MYH11: variants seen among roughly 807,000 people sequenced by gnomAD.
MYH11 encodes myosin-11.
A neutral mutation model predicts 246.6 loss-of-function variants in MYH11; 80 were observed. That is an observed-to-expected ratio of 0.32 (90% CI 0.27 to 0.39). The LOEUF (loss-of-function observed/expected upper bound fraction) is 0.39. MYH11 is among the 10% of genes least tolerant of loss of function. MYH11 has a pLI of 1.00. For missense variants in MYH11, 2,158 were observed against 2,546.8 expected, an observed-to-expected ratio of 0.85 and a Z score of 3.29; for synonymous variants, 1,071 against 1,015.5, an observed-to-expected ratio of 1.05 and a Z score of -1.04.
Position 15,823,328 on chromosome 16 carries a change from C to A in MYH11, c.429G>T (p.Lys143Asn), listed in dbSNP as rs200672270. The change falls in exon 3 of 41, where the codon AAG becomes AAT. Residue 143 changes from lysine to asparagine, a missense_variant. Lys to Asn is a moderately conservative substitution (Grantham distance 94, BLOSUM62 0). Transcript: ENST00000300036. The stretch of plus-strand genomic sequence containing the variant: ...GCGGCATCTCGTGCCTCTTCTTGCC[C>A]TTGTACATGTCGACGATCTTCTCCG... The part of the protein sequence containing the change: ...IYSEKIVDMY[K>N]GKKRHEMPPH... 6 of 1,614,192 alleles carry A rather than the reference C, an allele frequency of 3.7e-6. No individual in the cohort carries two copies. The highest frequency in any genetic ancestry group is 5.1e-6 in the Non-Finnish European group (6 of 1,180,036).
chr16:15,728,670 C>T (rs955068499), intron 27 of MYH11, among the ~76,000 whole-genome samples: 1 of 152,100 alleles, frequency 6.6e-6, no homozygotes, highest in South Asian at 2.1e-4. Flanking sequence ...GAGGCCTATG[C>T]AGGCAGGTCA....
At chr16:15,794,598 T>C (rs1204119076) in intron 4 of MYH11, among the ~76,000 whole-genome samples, 1 of 152,164 alleles carries the variant, frequency 6.6e-6, no homozygotes, top group East Asian at 1.9e-4. Flanking sequence ...AAACAAATAA[T>C]CAAGATAGTT....
intron 13 of MYH11, among the ~76,000 whole-genome samples, chr16:15,757,371 T>G (rs1369239797): frequency 6.9e-6 from 1 of 144,442 alleles, no homozygotes; most frequent in African/African-American, 2.5e-5. Context: ...TAGGTGGGCG[T>G]GGTGGTGCAC....
chr16:15,850,109 G>T (rs2044292418), intron 1 of MYH11, among the ~76,000 whole-genome samples: 1 of 152,206 alleles, frequency 6.6e-6, no homozygotes, highest in African/African-American at 2.4e-5. Context: ...ATTAGGCCGG[G>T]CATGGTGGCT....
chr16:15,782,806 G>A, intron 5 of MYH11: 1 of 359,366 alleles, frequency 2.8e-6, no homozygotes. Flanking sequence ...ATGATGAATG[G>A]TGCCCCCCGG....
At chr16:15,829,858 GGC>G (rs2043683072) in intron 2 of MYH11, among the ~76,000 whole-genome samples, 10 of 152,194 alleles carry the variant, frequency 6.6e-5, no homozygotes, top group Non-Finnish European at 7.3e-5. Context: ...GGGATGGCCG[GGC>G]GCAGTGGCTC....
intron 8 of MYH11, among the ~76,000 whole-genome samples, chr16:15,775,141 T>C (rs2042190289): frequency 6.6e-6 from 1 of 152,210 alleles, no homozygotes; most frequent in African/African-American, 2.4e-5. Context: ...TTTTAAGCTA[T>C]GCGATTTGTA....
intron 2 of MYH11, among the ~76,000 whole-genome samples, chr16:15,836,516 C>T (rs983295103): frequency 2.6e-5 from 4 of 152,018 alleles, no homozygotes; most frequent in African/African-American, 7.2e-5. Context: ...TCTCCTGCCT[C>T]GGCCTCCCAA....
chr16:15,735,955 C>G (rs2041105594), intron 25 of MYH11, among the ~76,000 whole-genome samples: 1 of 152,234 alleles, frequency 6.6e-6, no homozygotes, highest in Non-Finnish European at 1.5e-5. Context: ...TCTGTTCTTT[C>G]TGCATTTGCT....
In MYH11 at chr16:15,750,148, T is replaced by C. The variant is rs980710782; in HGVS notation, c.2048A>G (p.His683Arg). 1 of 1,614,002 alleles carries C rather than the reference T, an allele frequency of 6.2e-7. No individual in the cohort carries two copies. The highest frequency in any genetic ancestry group is 1.3e-5 in the African/African-American group (1 of 74,924). The part of the protein sequence containing the change: ...PNFVRCIIPN[H>R]EKRSGKLDAF... ...GGCGGCGGGCCTCACCCTCTTCTCGTGGTTGGGGATGATGCAGCGCACGAA... is the reference window on the plus strand; with the variant it reads ...GGCGGCGGGCCTCACCCTCTTCTCGCGGTTGGGGATGATGCAGCGCACGAA... The change falls in exon 16 of 41, where the codon CAC (histidine) becomes CGC (arginine). Residue 683 changes from histidine (H) to arginine (R), a missense_variant. Transcript: ENST00000300036. This position sits in a 1 kb window ranked among gnomAD's most constrained non-coding sequence, Gnocchi z 4.3.
chr16:15,717,431 T>G, intron 37 of MYH11, 83 bp from the exon 38 acceptor site: 6 of 1,463,348 alleles, frequency 4.1e-6, no homozygotes, highest in Non-Finnish European at 5.6e-6. Context: ...CCTGCCTTGT[T>G]TGGCCTCTGC....
At chr16:15,818,627 G>A (rs547244628) in intron 3 of MYH11, among the ~76,000 whole-genome samples, 41 of 151,904 alleles carry the variant, frequency 2.7e-4, no homozygotes, top group Middle Eastern at 3.4e-3. Flanking sequence ...TAGTAGAGAC[G>A]GAGATTCACC....
At chr16:15,771,453 T>A (rs1027939486) in intron 9 of MYH11, 116 bp downstream of exon 9, 12 of 976,418 alleles carry the variant, frequency 1.2e-5, no homozygotes, top group South Asian at 4.2e-5. Context: ...TTTTTTTTTT[T>A]AATGGAAGGT....
At position 15,711,881 on chromosome 16, in the gene MYH11, C is replaced by T. The variant is rs1437931980; in HGVS notation, c.5786+3028G>A. On this transcript the variant is annotated intron_variant, in intron 40 of 40. Transcript: ENST00000300036. ...CTAATTTTTGTGTTTTTAGTAGAGACGGGGTTTCACCATGTTGGTCAGGCT... is the reference window on the plus strand; with the variant it reads ...CTAATTTTTGTGTTTTTAGTAGAGATGGGGTTTCACCATGTTGGTCAGGCT... 5.9e-5 allele frequency among the ~76,000 whole-genome samples: 9 copies of T among 152,156 alleles called. No homozygotes were observed. In the South Asian group the frequency reaches 6.2e-4, roughly 11 times the overall value.
At chr16:15,852,830 G>T (rs962621760) in intron 1 of MYH11, among the ~76,000 whole-genome samples, 3 of 152,148 alleles carry the variant, frequency 2.0e-5, no homozygotes, top group Non-Finnish European at 2.9e-5. Context: ...GTCTTGAAAG[G>T]TAAATGCAAG....
chr16:15,810,472 C>G (rs1397465517), intron 3 of MYH11, among the ~76,000 whole-genome samples: 1 of 152,164 alleles, frequency 6.6e-6, no homozygotes, highest in East Asian at 1.9e-4. Flanking sequence ...CAAACAGACA[C>G]TCCTAGCACC....
intron 9 of MYH11, among the ~76,000 whole-genome samples, chr16:15,768,830 G>C (rs961155264): frequency 2.5e-4 from 37 of 148,966 alleles, no homozygotes; most frequent in African/African-American, 9.4e-4. Context: ...GGTTAAAGGG[G>C]AAACAAGTGC....
intron 23 of MYH11, among the ~76,000 whole-genome samples, chr16:15,739,037 GCTTAAATGTCA>G (rs2041199948): frequency 1.3e-5 from 2 of 151,630 alleles, no homozygotes; most frequent in Non-Finnish European, 2.9e-5. Context: ...TTAAGTTTCT[GCTTAAATGTCA>G]CCTCCTCCAG....
rs754899871 is a variant in MYH11, at chr16:15,741,760, C to A, written c.2652G>T (p.Gln884His). Residue 884 changes from glutamine (Q) to histidine (H), a missense_variant and splice_region_variant, in exon 21 of 41, where the codon CAG becomes CAT. Gln to His is a conservative substitution (Grantham distance 24). Transcript: ENST00000300036. ...CCCAGCCATGCATCCATACAGGTAC[C>A]TGCGAGTGCTTCTGTTCCAGCTCCT... Reference protein sequence around the residue: ...ELKELEQKHSQLTEEKNLLQE... With the variant: ...ELKELEQKHSHLTEEKNLLQE... 1 of 1,614,186 alleles carries A rather than the reference C, an allele frequency of 6.2e-7. No homozygotes were observed. The highest frequency in any genetic ancestry group is 8.5e-7 in the Non-Finnish European group (1 of 1,180,048).
Sources: allele counts gnomAD v4.1 joint callset (sites outside exome capture counted in the v4.1 genomes callset), GRCh38; gene constraint gnomAD v4.1.1; non-coding constraint Gnocchi (gnomAD v3.1); transcripts MANE v1.5; gene names NCBI Gene and HGNC (gene_info 2026-07-23, HGNC 2026-07-21).